The following EDAR variants were observed in gnomAD, a reference collection of about 807,000 sequenced individuals.
EDAR encodes tumor necrosis factor receptor superfamily member EDAR.
Under a neutral mutation model 51.3 loss-of-function variants are expected in EDAR, and 38 were observed. The ratio of observed to expected loss-of-function variants is 0.74; its 90% CI spans 0.57 to 0.97. The LOEUF (loss-of-function observed/expected upper bound fraction) is 0.97, where lower values mean the gene tolerates loss of function less well. Ranked by LOEUF, EDAR falls within the 50% of genes least tolerant of loss-of-function variation. The pLI, the probability that EDAR is intolerant of heterozygous loss-of-function variation, is 0.00. For synonymous variants in EDAR, 227 were observed against 242.1 expected (o/e 0.94, Z 0.58); for missense variants, 528 against 595.0 (o/e 0.89, Z 1.17).
intron 1 of EDAR, among the ~76,000 whole-genome samples, chr2:108,962,920 T>C (rs373272029): frequency 7.9e-5 from 12 of 152,292 alleles, no homozygotes; most frequent in African/African-American, 2.9e-4. Flanking sequence ...ACAATCCCAG[T>C]GTTGTTCTAG....
intron 11 of EDAR, among the ~76,000 whole-genome samples, chr2:108,900,425 A>ATGCC (rs1341446500): frequency 6.6e-6 from 1 of 152,068 alleles, no homozygotes; most frequent in East Asian, 1.9e-4. Context: ...GTGGTGGCAC[A>ATGCC]TGCCTGTGAT....
chr2:108,912,578 G>C, intron 6 of EDAR, 100 bp downstream of exon 6: 4 of 1,159,554 alleles, frequency 3.4e-6, no homozygotes, highest in Non-Finnish European at 2.5e-6. Flanking sequence ...GTGGGGAAGC[G>C]CACCATAATC....
At chr2:108,900,894 G>A (rs1006235220) in intron 11 of EDAR, among the ~76,000 whole-genome samples, 2 of 151,644 alleles carry the variant, frequency 1.3e-5, no homozygotes, top group Non-Finnish European at 2.9e-5. Flanking sequence ...TCCAAAATAT[G>A]TGAAACAAAA....
At chr2:108,985,872 A>C (rs1397867970) in intron 1 of EDAR, among the ~76,000 whole-genome samples, 2 of 152,230 alleles carry the variant, frequency 1.3e-5, no homozygotes, top group East Asian at 3.8e-4. Context: ...CCATTCATTC[A>C]TTCATTCATT....
In EDAR at chr2:108,896,780, T is replaced by A; in HGVS notation, c.*127A>T. 1.1e-6 allele frequency: 1 copy of A among 927,560 alleles called. No homozygotes were observed. Among genetic ancestry groups the A allele is most frequent in the South Asian group, 1.6e-5 (1 of 61,900 alleles). 57.5% of individuals were successfully genotyped at this position (927,560 alleles called of 1,614,324 possible). On this transcript the variant is annotated 3_prime_UTR_variant, in exon 12 of 12. Transcript: ENST00000258443. ...CTTATTTCGTCTGGCTCCTTGAACA[T>A]CCTAAGGCATACGGTGACATATCAC...
chr2:108,917,359 A>G (rs1200043537), intron 5 of EDAR, among the ~76,000 whole-genome samples: 1 of 152,196 alleles, frequency 6.6e-6, no homozygotes. Flanking sequence ...CAGGGTGACT[A>G]CAGCGGACAA....
At chr2:108,959,809 A>T (rs958629191) in intron 1 of EDAR, among the ~76,000 whole-genome samples, 6 of 152,236 alleles carry the variant, frequency 3.9e-5, no homozygotes, top group African/African-American at 1.4e-4. Context: ...CTTCTGAGAC[A>T]CCAGCTTTTC....
At chr2:108,931,089 G>T (rs569618264) in intron 1 of EDAR, 57 bp from the exon 2 acceptor site, 4 of 1,469,234 alleles carry the variant, frequency 2.7e-6, no homozygotes, top group African/African-American at 2.8e-5. Context: ...CCGGGGGTCT[G>T]GCTACCTTTA....
At chr2:108,961,770 T>C (rs901406817) in intron 1 of EDAR, among the ~76,000 whole-genome samples, 8 of 152,036 alleles carry the variant, frequency 5.3e-5, no homozygotes, top group African/African-American at 1.9e-4. Context: ...TCAGCCCATG[T>C]GTTGGGTCTT....
intron 11 of EDAR, among the ~76,000 whole-genome samples, chr2:108,904,634 GAGAGGAATGGACTATTGAT>G (rs1308048633): frequency 1.3e-5 from 2 of 152,350 alleles, no homozygotes; most frequent in Admixed American, 1.3e-4. Context: ...CTCAGCAAGA[GAGAGGAATGGACTATTGAT>G]ACATGCAACA....
chr2:108,962,863 C>A (rs1030738379), intron 1 of EDAR, among the ~76,000 whole-genome samples: 1 of 151,988 alleles, frequency 6.6e-6, no homozygotes, highest in African/African-American at 2.4e-5. Context: ...CAAAGATCCT[C>A]ACTCTTCAAT....
intron 5 of EDAR, among the ~76,000 whole-genome samples, chr2:108,922,344 G>A (rs1326349011): frequency 6.6e-6 from 1 of 152,236 alleles, no homozygotes; most frequent in African/African-American, 2.4e-5. Flanking sequence ...GCTGGCAGCC[G>A]AGCTGCGGCC....
intron 5 of EDAR, among the ~76,000 whole-genome samples, chr2:108,922,078 G>A (rs981137261): frequency 2.6e-5 from 4 of 152,220 alleles, no homozygotes; most frequent in African/African-American, 4.8e-5. Flanking sequence ...CGCCCCTGCC[G>A]TGACTCAAGT....
chr2:108,938,182 C>A (rs555630268), intron 1 of EDAR, among the ~76,000 whole-genome samples: 32 of 152,316 alleles, frequency 2.1e-4, no homozygotes, highest in African/African-American at 7.0e-4. Flanking sequence ...CTGTTCACAT[C>A]TCATCTTTCT....
chr2:108,950,902 AGGAAGG>A (rs1697813697), intron 1 of EDAR, among the ~76,000 whole-genome samples: 1 of 152,222 alleles, frequency 6.6e-6, no homozygotes, highest in Admixed American at 6.5e-5. Context: ...CCAGGCCCCC[AGGAAGG>A]GGTGTGACCT....
Position 108,910,747 on chromosome 2 carries a change from A to G in EDAR, c.730+29T>C, listed in dbSNP as rs562628749. The G allele has an allele frequency of 5.6e-6, 9 of 1,610,844 alleles. No homozygotes were observed. In the African/African-American group the frequency reaches 9.3e-5, roughly 17 times the overall value. On this transcript the variant is annotated intron_variant, in intron 8 of 11. Coordinates refer to ENST00000258443, the MANE Select transcript of EDAR (RefSeq NM_022336.4). ...CCACCCAGAGATGGGCACCGTGCAC[A>G]TGGTGTGTGGAAGCCCTGGTTCACA...
chr2:108,939,845 C>T (rs1278770923), intron 1 of EDAR, among the ~76,000 whole-genome samples: 1 of 152,160 alleles, frequency 6.6e-6, no homozygotes, highest in African/African-American at 2.4e-5. Flanking sequence ...CCCTGCCTCC[C>T]CCAGACCCAG....
At chr2:108,984,716 T>A (rs1462011672) in intron 1 of EDAR, among the ~76,000 whole-genome samples, 1 of 152,180 alleles carries the variant, frequency 6.6e-6, no homozygotes, top group Non-Finnish European at 1.5e-5. Flanking sequence ...GCTGGATTTA[T>A]GCATTATAGC....
At chr2:108,911,804 C>T (rs893362433) in intron 6 of EDAR, among the ~76,000 whole-genome samples, 2 of 152,292 alleles carry the variant, frequency 1.3e-5, no homozygotes, top group South Asian at 2.1e-4. Context: ...CAAATCATCT[C>T]GGGGGAGGTA....
Sources: allele counts gnomAD v4.1 joint callset (sites outside exome capture counted in the v4.1 genomes callset), GRCh38; gene constraint gnomAD v4.1.1; transcripts MANE v1.5; gene names NCBI Gene and HGNC (gene_info 2026-07-23, HGNC 2026-07-21).